The following BEND6 variants were observed in gnomAD, a reference collection of about 807,000 sequenced individuals.
The protein encoded by BEND6 is BEN domain-containing protein 6.
In BEND6, 24 loss-of-function variants were observed where a neutral mutation model predicts 31.8. The observed-to-expected ratio is 0.75, with a 90% confidence interval of 0.55 to 1.06. BEND6 has a LOEUF of 1.06. BEND6 is among the 50% of genes least tolerant of loss of function. BEND6 has a pLI of 0.00. For missense variants in BEND6, 294 were observed against 327.4 expected (o/e 0.90, Z 0.79); for synonymous variants, 109 against 114.6 (o/e 0.95, Z 0.31).
chr6:56,993,638 A>G (rs1391928797), intron 3 of BEND6, among the ~76,000 whole-genome samples: 1 of 152,228 alleles, frequency 6.6e-6, no homozygotes, highest in African/African-American at 2.4e-5. Flanking sequence ...GCCACATGTA[A>G]GTAGAAAGAT....
At chr6:57,018,712 G>C (rs1171170423) in intron 6 of BEND6, among the ~76,000 whole-genome samples, 155 bp downstream of exon 6, 1 of 152,202 alleles carries the variant, frequency 6.6e-6, no homozygotes, top group East Asian at 1.9e-4. Flanking sequence ...GGGGAGAACT[G>C]GGAGTGGGGT....
intron 1 of BEND6, among the ~76,000 whole-genome samples, chr6:56,955,734 A>T (rs1263390867): frequency 5.3e-5 from 8 of 152,198 alleles, no homozygotes; most frequent in African/African-American, 1.9e-4. Context: ...GTGCATTTGA[A>T]GGGCAAGGCG....
intron 1 of BEND6, among the ~76,000 whole-genome samples, chr6:56,961,562 A>G (rs1825286501): frequency 6.6e-6 from 1 of 152,208 alleles, no homozygotes; most frequent in Non-Finnish European, 1.5e-5. Flanking sequence ...CTTCATGCCA[A>G]TTAACTACCC....
At chr6:57,012,276 G>A (rs896094905) in intron 3 of BEND6, among the ~76,000 whole-genome samples, 1 of 152,184 alleles carries the variant, frequency 6.6e-6, no homozygotes, top group African/African-American at 2.4e-5. Flanking sequence ...CAACATGAAT[G>A]TCTTAAAATA....
chr6:57,023,172 C>T (rs529440477), intron 6 of BEND6, among the ~76,000 whole-genome samples: 1 of 152,226 alleles, frequency 6.6e-6, no homozygotes, highest in East Asian at 1.9e-4. Flanking sequence ...TCCAGTGTTT[C>T]CTTGTCAATT....
At chr6:56,956,753 T>C (rs1412656761) in intron 1 of BEND6, among the ~76,000 whole-genome samples, 5 of 152,186 alleles carry the variant, frequency 3.3e-5, no homozygotes, top group African/African-American at 2.4e-5. Flanking sequence ...ATCATGTGCA[T>C]ATGGCTAAAG....
rs563445608 is a variant in BEND6, at chr6:57,004,730, C to T, written c.299-10403C>T. ...AAACTGGCCACTGACAAAAATGACC[C>T]CCATTTGTGTGACTTCACTGAGACA... is the stretch of plus-strand genomic sequence containing the variant. On this transcript the variant is annotated intron_variant, in intron 3 of 6. Coordinates refer to ENST00000370746, the MANE Select transcript of BEND6 (RefSeq NM_152731.3). 1.5e-5 allele frequency: 23 copies of T among 1,486,956 alleles called. 1 individual carries two copies. The South Asian group carries it at 2.3e-4, about 15-fold the overall frequency. The allele number at this position is 1,486,956 out of a possible 1,614,324, so 92.1% of individuals were successfully genotyped here.
chr6:56,975,962 A>T, intron 1 of BEND6: 1 of 524,912 alleles, frequency 1.9e-6, no homozygotes, highest in Non-Finnish European at 3.9e-6. Flanking sequence ...ATACACAGTC[A>T]TGGTCGACGC....
rs1826078481 is a variant in BEND6 at position 56,981,765 on chromosome 6, C to G, written c.-46C>G. ...GAATAGCATCATCTTCATGGGTATTCCCTACTCCTAGGATTTCAGAAAACC... is the reference window on the plus strand; with the variant it reads ...GAATAGCATCATCTTCATGGGTATTGCCTACTCCTAGGATTTCAGAAAACC... On this transcript the variant is annotated 5_prime_UTR_variant, in exon 2 of 7. Transcript: ENST00000370746. 1 of 1,602,990 alleles carries G rather than the reference C, an allele frequency of 6.2e-7. No homozygotes were observed. Among genetic ancestry groups the G allele is most frequent in the South Asian group, 1.1e-5 (1 of 89,636 alleles).
At chr6:57,010,729 A>G in intron 3 of BEND6, 1 of 894,448 alleles carries the variant, frequency 1.1e-6, no homozygotes, top group Middle Eastern at 5.8e-4. Context: ...TTATGAAAAG[A>G]TATTTAAATT....
chr6:56,982,139 T>G (rs1562542272), intron 2 of BEND6, among the ~76,000 whole-genome samples: 2 of 152,226 alleles, frequency 1.3e-5, no homozygotes. Flanking sequence ...CAGGCTGGTC[T>G]CAAATTCCTA....
chr6:56,994,913 C>T (rs1826648599), intron 3 of BEND6, among the ~76,000 whole-genome samples: 1 of 152,166 alleles, frequency 6.6e-6, no homozygotes, highest in Admixed American at 6.5e-5. Context: ...ATTTTCTTCT[C>T]TTTCTGCCAA....
At chr6:56,974,671 A>G (rs1205154104) in intron 1 of BEND6, among the ~76,000 whole-genome samples, 1 of 152,188 alleles carries the variant, frequency 6.6e-6, no homozygotes, top group African/African-American at 2.4e-5. Context: ...AATTGACAGC[A>G]TTTTGAGTGG....
chr6:56,957,274 A>T (rs1409057407), intron 1 of BEND6, among the ~76,000 whole-genome samples: 1 of 152,164 alleles, frequency 6.6e-6, no homozygotes, highest in Non-Finnish European at 1.5e-5. Flanking sequence ...ATGCAATAGG[A>T]TTATAGATAT....
At chr6:56,962,888 G>A (rs758853755) in intron 1 of BEND6, among the ~76,000 whole-genome samples, 7 of 152,126 alleles carry the variant, frequency 4.6e-5, no homozygotes, top group Non-Finnish European at 8.8e-5. Flanking sequence ...CCTTGATGTG[G>A]ACCACCTAGT....
chr6:56,956,664 G>T (rs1825072613), intron 1 of BEND6, among the ~76,000 whole-genome samples: 1 of 152,226 alleles, frequency 6.6e-6, no homozygotes, highest in South Asian at 2.1e-4. Flanking sequence ...ATTTTGAATG[G>T]CAGCATGTAG....
rs942187043 is a variant in BEND6, at chr6:57,000,358, G to A, written c.298+7803G>A. Among the ~76,000 whole-genome samples, 6 of 152,092 alleles carry A rather than the reference G, an allele frequency of 3.9e-5. No individual in the cohort carries two copies. In the East Asian group the frequency reaches 7.7e-4, roughly 19 times the overall value. The stretch of plus-strand genomic sequence containing the variant: ...AAATGGGTTAAGGGTGGTGCAAGAT[G>A]TGCTTTGTTAAACAGATGCTTGAAG... On this transcript the variant is annotated intron_variant, in intron 3 of 6. Transcript: ENST00000370746.
chr6:56,959,468 A>G (rs1010314810), intron 1 of BEND6, among the ~76,000 whole-genome samples: 1 of 152,230 alleles, frequency 6.6e-6, no homozygotes, highest in African/African-American at 2.4e-5. Context: ...GAATGGCTCT[A>G]GCAATAAATT....
intron 4 of BEND6, 137 bp from the exon 5 acceptor site, chr6:57,017,070 T>C (rs989905088): frequency 1.4e-5 from 4 of 280,872 alleles, no homozygotes; most frequent in Non-Finnish European, 2.5e-5. Flanking sequence ...ATGTAAAATA[T>C]ATATTAAAAT....
Sources: allele counts gnomAD v4.1 joint callset (sites outside exome capture counted in the v4.1 genomes callset), GRCh38; gene constraint gnomAD v4.1.1; transcripts MANE v1.5; gene names NCBI Gene and HGNC (gene_info 2026-07-23, HGNC 2026-07-21).